Variants in MYO1E observed in about 807,000 individuals in gnomAD.
MYO1E encodes unconventional myosin-Ie.
Under a neutral mutation model 151.1 loss-of-function variants are expected in MYO1E, and 68 were observed. That is an observed-to-expected ratio of 0.45 (90% confidence interval 0.37 to 0.55). The LOEUF (loss-of-function observed/expected upper bound fraction) is 0.55, where lower values mean the gene tolerates loss of function less well. Among genes scored for constraint, MYO1E ranks in the 20% least tolerant of loss-of-function variants. The probability of loss-of-function intolerance (pLI) is 0.00; values close to 1 mark genes in which losing one functional copy is unlikely to be tolerated. For missense variants in MYO1E, 1,363 were observed against 1,389.3 expected, an observed-to-expected ratio of 0.98 and a Z score of 0.30; for synonymous variants, 601 against 501.7, an observed-to-expected ratio of 1.20 and a Z score of -2.64.
chr15:59,173,993 A>G lies in MYO1E; in HGVS notation c.2165-78T>C, dbSNP rs1276816789. ...GGAGGAAAATACTGTGGAAATATACAAAGAAACTCTAAATGATGCAATATT... is the reference window on the plus strand; with the variant it reads ...GGAGGAAAATACTGTGGAAATATACGAAGAAACTCTAAATGATGCAATATT... On this transcript the variant is annotated intron_variant, in intron 20 of 27. Coordinates refer to ENST00000288235, the MANE Select transcript of MYO1E (RefSeq NM_004998.4). The G allele has an allele frequency of 1.9e-6, 3 of 1,544,580 alleles. No individual in the cohort carries two copies. In the African/African-American group the frequency reaches 4.1e-5, roughly 21 times the overall value.
At chr15:59,285,083 C>G (rs1455579812) in intron 1 of MYO1E, among the ~76,000 whole-genome samples, 1 of 152,200 alleles carries the variant, frequency 6.6e-6, no homozygotes, top group East Asian at 1.9e-4. Flanking sequence ...AGCTCTTAGA[C>G]ATTCGGTAAT....
intron 19 of MYO1E, among the ~76,000 whole-genome samples, chr15:59,175,047 C>T (rs1408104288): frequency 6.6e-6 from 1 of 151,462 alleles, no homozygotes; most frequent in Admixed American, 6.6e-5. Context: ...AGATGATTTC[C>T]ACACAGTTTC....
intron 1 of MYO1E, among the ~76,000 whole-genome samples, chr15:59,362,092 C>A (rs988245572): frequency 1.3e-5 from 2 of 152,142 alleles, no homozygotes; most frequent in African/African-American, 2.4e-5. Flanking sequence ...CCGCCTCGGC[C>A]TTCCAAAGTG....
At chr15:59,335,191 A>C (rs1381681888) in intron 1 of MYO1E, among the ~76,000 whole-genome samples, 4 of 152,156 alleles carry the variant, frequency 2.6e-5, no homozygotes, top group African/African-American at 9.7e-5. Context: ...TTATATTTTT[A>C]TTATTAAAGT....
At chr15:59,351,429 T>A (rs1462225485) in intron 1 of MYO1E, among the ~76,000 whole-genome samples, 1 of 152,162 alleles carries the variant, frequency 6.6e-6, no homozygotes, top group Non-Finnish European at 1.5e-5. Flanking sequence ...CGGAATTTAT[T>A]TGAGAAGGAC....
At chr15:59,226,202 T>C (rs1352347084) in intron 7 of MYO1E, among the ~76,000 whole-genome samples, 1 of 152,238 alleles carries the variant, frequency 6.6e-6, no homozygotes, top group Admixed American at 6.5e-5. Flanking sequence ...CACAGAAGTT[T>C]TAATCATTTA....
intron 7 of MYO1E, among the ~76,000 whole-genome samples, chr15:59,226,643 C>T (rs974046195): frequency 3.3e-5 from 5 of 152,086 alleles, no homozygotes; most frequent in African/African-American, 9.6e-5. Flanking sequence ...CCCACCTCTA[C>T]GAAAAATACA....
At chr15:59,165,093 G>C (rs1455172423) in intron 22 of MYO1E, among the ~76,000 whole-genome samples, 1 of 152,150 alleles carries the variant, frequency 6.6e-6, no homozygotes, top group African/African-American at 2.4e-5. Context: ...GGACTTCCCG[G>C]TCTCTAGAAC....
At chr15:59,302,988 GT>G (rs1424871132) in intron 1 of MYO1E, among the ~76,000 whole-genome samples, 1 of 152,130 alleles carries the variant, frequency 6.6e-6, no homozygotes, top group Non-Finnish European at 1.5e-5. Context: ...ACTTTCAGTT[GT>G]TGTCTGGTGA....
chr15:59,239,882 A>G (rs1275861365), intron 4 of MYO1E, among the ~76,000 whole-genome samples: 3 of 152,238 alleles, frequency 2.0e-5, no homozygotes, highest in African/African-American at 7.2e-5. Context: ...CCTACAGTAT[A>G]TGCAACCATA....
At chr15:59,151,495 G>A (rs1295911342) in intron 26 of MYO1E, among the ~76,000 whole-genome samples, 2 of 152,190 alleles carry the variant, frequency 1.3e-5, no homozygotes, top group Admixed American at 6.5e-5. Flanking sequence ...CCCAAATGAA[G>A]TGAGATAAGA....
At chr15:59,255,636 T>G (rs2080189808) in intron 4 of MYO1E, among the ~76,000 whole-genome samples, 1 of 152,170 alleles carries the variant, frequency 6.6e-6, no homozygotes, top group Non-Finnish European at 1.5e-5. Context: ...TGGGCCACAC[T>G]GGAAGAAGAA....
chr15:59,334,708 T>C (rs998327351), intron 1 of MYO1E, among the ~76,000 whole-genome samples: 1 of 152,232 alleles, frequency 6.6e-6, no homozygotes, highest in Admixed American at 6.5e-5. Context: ...TATACAGAGA[T>C]CACTTGGCAA....
chr15:59,259,415 T>C (rs962497493), intron 3 of MYO1E, among the ~76,000 whole-genome samples: 5 of 152,146 alleles, frequency 3.3e-5, no homozygotes, highest in Non-Finnish European at 5.9e-5. Context: ...ATGAGATCAG[T>C]CCAAAACAAT....
At chr15:59,200,338 G>A (rs374646541) in intron 16 of MYO1E, among the ~76,000 whole-genome samples, 2 of 152,092 alleles carry the variant, frequency 1.3e-5, no homozygotes, top group Non-Finnish European at 2.9e-5. Context: ...GACACTTCAC[G>A]CAGACATTAA....
chr15:59,242,758 A>G lies in MYO1E; in HGVS notation c.333-6086T>C, dbSNP rs79271750. On this transcript the variant is annotated intron_variant, in intron 4 of 27. Coordinates refer to ENST00000288235, the MANE Select transcript of MYO1E (RefSeq NM_004998.4). ...AATAAAATTAATTTAATGAGAAGAA[A>G]CCTAGCAGATGCCTACAGAACCAGG... is the stretch of plus-strand genomic sequence containing the variant. 3.8e-3 allele frequency among the ~76,000 whole-genome samples: 577 copies of G among 152,080 alleles called. 21 individuals carry two copies. The East Asian group carries it at 0.078, about 21-fold the overall frequency.
At chr15:59,340,545 A>G (rs1163119307) in intron 1 of MYO1E, among the ~76,000 whole-genome samples, 1 of 152,220 alleles carries the variant, frequency 6.6e-6, no homozygotes, top group Non-Finnish European at 1.5e-5. Context: ...TACCATGTGT[A>G]GTATCAAATA....
intron 10 of MYO1E, among the ~76,000 whole-genome samples, chr15:59,217,641 C>T (rs1179530795): frequency 2.8e-5 from 4 of 140,466 alleles, no homozygotes; most frequent in Non-Finnish European, 6.1e-5. Flanking sequence ...TCTTAACCAC[C>T]TCAGCCTCCT....
intron 1 of MYO1E, among the ~76,000 whole-genome samples, chr15:59,297,582 A>C (rs1167813488): frequency 6.6e-6 from 1 of 151,222 alleles, no homozygotes; most frequent in African/African-American, 2.4e-5. Context: ...TGGCTTTTAA[A>C]ATTTTTATAA....
Sources: allele counts gnomAD v4.1 joint callset (sites outside exome capture counted in the v4.1 genomes callset), GRCh38; gene constraint gnomAD v4.1.1; transcripts MANE v1.5; gene names NCBI Gene and HGNC (gene_info 2026-07-23, HGNC 2026-07-21).